Variants in KCNG2 observed in about 807,000 individuals in gnomAD.
The protein encoded by KCNG2 is potassium voltage-gated channel modifier subfamily G member 2.
KCNG2 carries 7 observed loss-of-function variants against 12.3 expected under a neutral mutation model. The observed-to-expected ratio is 0.57, with a 90% CI of 0.32 to 1.07. The LOEUF (loss-of-function observed/expected upper bound fraction) is 1.07, where lower values mean the gene tolerates loss of function less well. KCNG2 is among the 50% of genes least tolerant of loss of function. The pLI, the probability that KCNG2 is intolerant of heterozygous loss-of-function variation, is 0.04. For missense variants in KCNG2, 703 were observed against 726.0 expected, an observed-to-expected ratio of 0.97 and a Z score of 0.36; for synonymous variants, 414 against 351.4, an observed-to-expected ratio of 1.18 and a Z score of -1.99.
chr18:79,823,041 T>TCA (rs954582550), intron 1 of KCNG2, among the ~76,000 whole-genome samples: 2 of 152,330 alleles, frequency 1.3e-5, no homozygotes, highest in African/African-American at 2.4e-5. Context: ...TAGTTTCTGT[T>TCA]CATCCTCCTC....
intron 1 of KCNG2, among the ~76,000 whole-genome samples, chr18:79,828,741 CTGTG>C (rs1260722366): frequency 1.1e-4 from 16 of 144,444 alleles, no homozygotes; most frequent in African/African-American, 2.9e-4. Context: ...GTGCATGTGT[CTGTG>C]TGTGGGTGTC....
At chr18:79,806,345 A>G (rs1422755545) in intron 1 of KCNG2, among the ~76,000 whole-genome samples, 1 of 146,992 alleles carries the variant, frequency 6.8e-6, no homozygotes, top group Non-Finnish European at 1.5e-5. Flanking sequence ...CTGAGCATTC[A>G]TGGTCTCAGA....
chr18:79,854,066 G>A (rs1009503391), intron 1 of KCNG2, among the ~76,000 whole-genome samples: 3 of 152,256 alleles, frequency 2.0e-5, no homozygotes, highest in Non-Finnish European at 2.9e-5. Context: ...TTCTGCAGGC[G>A]GCCCCTGGGG....
intron 2 of KCNG2, 41 bp from the exon 3 acceptor site, chr18:79,863,587 C>T (rs991404397): frequency 2.2e-5 from 25 of 1,152,846 alleles, no homozygotes; most frequent in Non-Finnish European, 2.5e-5. Context: ...GCTCCCCCAG[C>T]TCAGCCCTCG....
chr18:79,857,435 C>T (rs558621816), intron 2 of KCNG2, among the ~76,000 whole-genome samples: 2 of 151,950 alleles, frequency 1.3e-5, no homozygotes, highest in Admixed American at 6.5e-5. Flanking sequence ...TAACTAATGC[C>T]ATTTTGTTAG....
chr18:79,837,862 C>T (rs1478720030), intron 1 of KCNG2, among the ~76,000 whole-genome samples: 1 of 152,198 alleles, frequency 6.6e-6, no homozygotes, highest in African/African-American at 2.4e-5. Flanking sequence ...CAGTGCCCCA[C>T]TCCAGGTACC....
At chr18:79,824,366 C>T (rs2087596102) in intron 1 of KCNG2, among the ~76,000 whole-genome samples, 1 of 152,208 alleles carries the variant, frequency 6.6e-6, no homozygotes, top group Non-Finnish European at 1.5e-5. Flanking sequence ...ATTTTATAGC[C>T]TGCTACTTTT....
At chr18:79,809,701 G>T (rs1441115328) in intron 1 of KCNG2, among the ~76,000 whole-genome samples, 1 of 152,150 alleles carries the variant, frequency 6.6e-6, no homozygotes, top group East Asian at 1.9e-4. Flanking sequence ...TGCAGCTTTC[G>T]GTTCTAAACC....
At chr18:79,872,964 C>T (rs540567086) in intron 3 of KCNG2, among the ~76,000 whole-genome samples, 24 of 152,282 alleles carry the variant, frequency 1.6e-4, no homozygotes, top group South Asian at 1.5e-3. Context: ...CTCCGGGAGC[C>T]GGCGTGTGCT....
intron 1 of KCNG2, among the ~76,000 whole-genome samples, chr18:79,823,271 G>C (rs971024522): frequency 6.6e-6 from 1 of 152,192 alleles, no homozygotes; most frequent in Non-Finnish European, 1.5e-5. Flanking sequence ...GCGGGCACTG[G>C]GCTGTTTCCA....
intron 1 of KCNG2, among the ~76,000 whole-genome samples, chr18:79,817,306 G>A (rs147976581): frequency 5.3e-5 from 8 of 151,786 alleles, no homozygotes; most frequent in South Asian, 2.1e-4. Context: ...CCTGCCTCAC[G>A]GCTGCCACAT....
chr18:79,890,344 CA>C (rs1348230815), intron 3 of KCNG2, among the ~76,000 whole-genome samples: 1 of 151,966 alleles, frequency 6.6e-6, no homozygotes, highest in East Asian at 1.9e-4. Context: ...ATTTTAGGTT[CA>C]GTGGGTATGT....
At chr18:79,858,875 G>T (rs1979115910) in intron 2 of KCNG2, among the ~76,000 whole-genome samples, 1 of 152,128 alleles carries the variant, frequency 6.6e-6, no homozygotes, top group Non-Finnish European at 1.5e-5. Flanking sequence ...ACTTCCTCGG[G>T]AGAAATATCT....
At chr18:79,850,071 G>A (rs1049453605) in intron 1 of KCNG2, among the ~76,000 whole-genome samples, 1 of 152,190 alleles carries the variant, frequency 6.6e-6, no homozygotes, top group Non-Finnish European at 1.5e-5. Context: ...CTGCCTCCCC[G>A]CTACCCTCAT....
chr18:79,861,731 T>G (rs779281016), intron 2 of KCNG2, among the ~76,000 whole-genome samples: 1 of 152,246 alleles, frequency 6.6e-6, no homozygotes, highest in Non-Finnish European at 1.5e-5. Flanking sequence ...CTTTCTTCCC[T>G]GTTCCCTCTT....
intron 3 of KCNG2, among the ~76,000 whole-genome samples, chr18:79,877,790 G>A (rs540628453): frequency 9.2e-5 from 14 of 152,224 alleles, no homozygotes; most frequent in Non-Finnish European, 1.8e-4. Context: ...GGAATAAAAG[G>A]TTGATGCCAG....
In KCNG2 at chr18:79,863,722, G is replaced by A; in HGVS notation, c.55G>A (p.Val19Ile). 8.3e-7 allele frequency: 1 copy of A among 1,205,274 alleles called. No homozygotes were observed. Among genetic ancestry groups the A allele is most frequent in the Non-Finnish European group, 1.0e-6 (1 of 970,946 alleles). 74.7% of individuals were successfully genotyped at this position (1,205,274 alleles called of 1,614,324 possible). The change falls in exon 3 of 4, where the codon GTC becomes ATC. Residue 19 changes from valine (V) to isoleucine (I), a missense_variant. Val to Ile is a conservative substitution (Grantham distance 29). Transcript: ENST00000316249. ...GGGGGTRARHVIINVGGCRVR... is the reference protein window; with the variant it reads ...GGGGGTRARHIIINVGGCRVR... ...CGGCGGCGGGACCCGCGCCCGGCACGTCATCATCAACGTGGGCGGCTGCCG... is the reference window on the plus strand; with the variant it reads ...CGGCGGCGGGACCCGCGCCCGGCACATCATCATCAACGTGGGCGGCTGCCG...
At position 79,894,844 on chromosome 18, in the gene KCNG2, T is replaced by C. The variant is rs190503868; in HGVS notation, c.625-4196T>C. Among the ~76,000 whole-genome samples the C allele has an allele frequency of 2.3e-3, 349 of 151,940 alleles. 10 individuals are homozygous for C. Among genetic ancestry groups the C allele is most frequent in the Middle Eastern group, 0.01 (3 of 290 alleles). On this transcript the variant is annotated intron_variant, in intron 3 of 3. Transcript: ENST00000316249. ...GATATAGTGGGGTCTGTGTATGCTT[T>C]TGATTGGGTTGTTCACTCCATTCAC...
At chr18:79,873,197 C>T (rs1386094055) in intron 3 of KCNG2, among the ~76,000 whole-genome samples, 8 of 152,212 alleles carry the variant, frequency 5.3e-5, no homozygotes, top group Non-Finnish European at 1.0e-4. Flanking sequence ...GAGGCCCTCT[C>T]GGGGGACCAC....
Sources: allele counts gnomAD v4.1 joint callset (sites outside exome capture counted in the v4.1 genomes callset), GRCh38; gene constraint gnomAD v4.1.1; transcripts MANE v1.5; gene names NCBI Gene and HGNC (gene_info 2026-07-23, HGNC 2026-07-21).